The following CRB1 variants were observed in gnomAD, a reference collection of about 807,000 sequenced individuals.
CRB1 encodes protein crumbs homolog 1.
CRB1 carries 83 observed loss-of-function variants against 120.0 expected under a neutral mutation model. That is an observed-to-expected ratio of 0.69 (90% CI 0.58 to 0.83). CRB1 has a LOEUF of 0.83. CRB1 is among the 40% of genes least tolerant of loss of function. The pLI, the probability that CRB1 is intolerant of heterozygous loss-of-function variation, is 0.00. For synonymous variants in CRB1, 625 were observed against 612.5 expected (o/e 1.02, Z -0.30); for missense variants, 1,699 against 1,687.6 (o/e 1.01, Z -0.12).
At chr1:197,456,629 C>T (rs1029395241) in intron 11 of CRB1, among the ~76,000 whole-genome samples, 3 of 151,960 alleles carry the variant, frequency 2.0e-5, no homozygotes, top group African/African-American at 7.3e-5. Context: ...GCACAGAAAC[C>T]CCATTATTCA....
the CRB1 span, among the ~76,000 whole-genome samples, chr1:197,243,541 G>GT: frequency 6.7e-6 from 1 of 150,022 alleles, no homozygotes; most frequent in African/African-American, 2.4e-5. Context: ...GGTCTGAGAG[G>GT]CTGTTATGAT....
the CRB1 span, among the ~76,000 whole-genome samples, chr1:197,226,545 A>G: frequency 1.3e-5 from 2 of 152,124 alleles, no homozygotes; most frequent in East Asian, 3.9e-4. Context: ...CCTAACCCCC[A>G]GTGGGATAAT....
the CRB1 span, chr1:197,222,646 A>T: frequency 6.4e-6 from 5 of 777,246 alleles, no homozygotes; most frequent in Non-Finnish European, 1.2e-5. Flanking sequence ...GTGTTTGAAG[A>T]CCTTTCAGTC....
chr1:197,337,978 A>G (rs965866955), intron 2 of CRB1, among the ~76,000 whole-genome samples: 1 of 151,946 alleles, frequency 6.6e-6, no homozygotes, highest in African/African-American at 2.4e-5. Context: ...TTAAAACATA[A>G]TTATGGAAGT....
chr1:197,401,510 A>T (rs574397296), intron 5 of CRB1, among the ~76,000 whole-genome samples: 6 of 152,126 alleles, frequency 3.9e-5, no homozygotes, highest in Non-Finnish European at 7.4e-5. Context: ...GTTGTCATCC[A>T]ATTATTATTT....
At chr1:197,240,217 G>A in the CRB1 span, among the ~76,000 whole-genome samples, 1 of 151,838 alleles carries the variant, frequency 6.6e-6, no homozygotes, top group Non-Finnish European at 1.5e-5. Flanking sequence ...TTTGTGTTTA[G>A]AGAACTTTTT....
At chr1:197,373,854 G>A (rs536824968) in intron 5 of CRB1, among the ~76,000 whole-genome samples, 2 of 152,274 alleles carry the variant, frequency 1.3e-5, no homozygotes, top group South Asian at 2.1e-4. Context: ...TTGTCAGATT[G>A]TAGATGGTCT....
At chr1:197,319,861 T>A (rs1054420449) in intron 1 of CRB1, among the ~76,000 whole-genome samples, 9 of 152,174 alleles carry the variant, frequency 5.9e-5, no homozygotes, top group African/African-American at 2.2e-4. Flanking sequence ...GTGGTTTCTA[T>A]AACAACATGA....
At chr1:197,209,538 G>A in the CRB1 span, among the ~76,000 whole-genome samples, 1 of 152,040 alleles carries the variant, frequency 6.6e-6, no homozygotes, top group Non-Finnish European at 1.5e-5. Context: ...AGTAAGGACA[G>A]GGTTTCCCCA....
intron 5 of CRB1, chr1:197,414,015 TC>T: frequency 4.4e-6 from 2 of 451,748 alleles, no homozygotes; most frequent in South Asian, 3.1e-5. Flanking sequence ...CTAACTCTCT[TC>T]TTATATACGC....
At chr1:197,374,394 A>C (rs1661534993) in intron 5 of CRB1, among the ~76,000 whole-genome samples, 1 of 152,086 alleles carries the variant, frequency 6.6e-6, no homozygotes, top group South Asian at 2.1e-4. Context: ...CTATCCATGT[A>C]TATCCTGATA....
At chr1:197,249,125 C>T in the CRB1 span, among the ~76,000 whole-genome samples, 1 of 151,780 alleles carries the variant, frequency 6.6e-6, no homozygotes, top group Non-Finnish European at 1.5e-5. Flanking sequence ...TCAAGTGTTG[C>T]ATACACACCA....
intron 8 of CRB1, among the ~76,000 whole-genome samples, chr1:197,430,348 T>TCAAA (rs1287437146): frequency 1.3e-5 from 2 of 152,188 alleles, no homozygotes; most frequent in African/African-American, 4.8e-5. Flanking sequence ...TTCCCCTTAT[T>TCAAA]CAAAGATTGT....
At chr1:197,456,023 A>C (rs548956413) in intron 11 of CRB1, among the ~76,000 whole-genome samples, 1 of 152,140 alleles carries the variant, frequency 6.6e-6, no homozygotes, top group Non-Finnish European at 1.5e-5. Flanking sequence ...TGTCTATTTG[A>C]ATGTATTTTA....
chr1:197,302,481 T>C lies in CRB1; in HGVS notation c.71-25941T>C, dbSNP rs575934893. 3.9e-5 allele frequency among the ~76,000 whole-genome samples: 6 copies of C among 152,276 alleles called. 1 individual carries two copies. The highest frequency in any genetic ancestry group is 1.4e-4 in the African/African-American group (6 of 41,560). On this transcript the variant is annotated intron_variant, in intron 1 of 11. Coordinates refer to ENST00000367400, the MANE Select transcript of CRB1 (RefSeq NM_201253.3). ...CTACAATATCTCTGAGGTATGCCTA[T>C]ATTTGTAAATCTTAGGGATAAATAA...
In CRB1 at chr1:197,429,501, C is replaced by T. The variant is rs1210075381; in HGVS notation, c.2729C>T (p.Ser910Phe). 12 of 1,613,968 alleles carry T rather than the reference C, an allele frequency of 7.4e-6. No individual in the cohort carries two copies. The highest frequency in any genetic ancestry group is 9.3e-6 in the Non-Finnish European group (11 of 1,179,952). Reference protein sequence around the residue: ...GVCHSRWDDFSCSCPALTSGK... With the variant: ...GVCHSRWDDFFCSCPALTSGK... ...TGCCATTCCCGGTGGGATGACTTCT[C>T]CTGTTCCTGTCCTGCCCTCACAAGT... The change falls in exon 8 of 12, where the codon TCC (serine) becomes TTC (phenylalanine). Residue 910 changes from serine (S) to phenylalanine (F), a missense_variant. Coordinates refer to ENST00000367400, the MANE Select transcript of CRB1 (RefSeq NM_201253.3).
chr1:197,405,444 C>T lies in CRB1; in HGVS notation c.1172-15556C>T, dbSNP rs111271747. On this transcript the variant is annotated intron_variant, in intron 5 of 11. Transcript: ENST00000367400. ...CTCGCTACAACCTCCACCTCCCAGC[C>T]GCCTGCCTTGGCCTCCCAAAGTGCC... Among the ~76,000 whole-genome samples the T allele has an allele frequency of 2.7e-4, 41 of 151,934 alleles. 1 individual carries two copies. The highest frequency in any genetic ancestry group is 7.7e-4 in the African/African-American group (32 of 41,424).
intron 2 of CRB1, among the ~76,000 whole-genome samples, 194 bp downstream of exon 2, chr1:197,329,197 G>A (rs779786223): frequency 6.6e-6 from 1 of 152,234 alleles, no homozygotes; most frequent in African/African-American, 2.4e-5. Flanking sequence ...GTGGTTGCCT[G>A]CTGTCACTGT....
chr1:197,298,441 T>A (rs1656667311), intron 1 of CRB1, among the ~76,000 whole-genome samples: 1 of 152,122 alleles, frequency 6.6e-6, no homozygotes. Flanking sequence ...GGTAAGAGGA[T>A]TAAATGCTTC....
Sources: gnomAD v4.1 joint callset for allele counts (sites outside exome capture counted in the v4.1 genomes callset) on GRCh38, gnomAD v4.1.1 for gene constraint, MANE v1.5 for transcripts, NCBI Gene and HGNC (gene_info 2026-07-23, HGNC 2026-07-21) for gene names.